Variants in MTMR9 observed in about 807,000 individuals in gnomAD.
The protein encoded by MTMR9 is myotubularin related protein 9, also known as myotubularin-related protein 9.
A neutral mutation model predicts 69.5 loss-of-function variants in MTMR9; 39 were observed. The observed-to-expected ratio is 0.56, with a 90% CI of 0.43 to 0.73. The LOEUF (loss-of-function observed/expected upper bound fraction) is 0.73, where lower values mean the gene tolerates loss of function less well. MTMR9 is among the 30% of genes least tolerant of loss of function. The pLI is 0.00. For synonymous variants in MTMR9, 354 were observed against 240.8 expected (o/e 1.47, Z -4.35); for missense variants, 900 against 671.2 (o/e 1.34, Z -3.77).
rs913030252 is a variant in MTMR9 at position 11,326,935 on chromosome 8, A to T, written c.*4147A>T. The T allele has an allele frequency of 1.4e-5, 2 of 146,310 alleles. No individual in the cohort carries two copies. Among genetic ancestry groups the T allele is most frequent in the African/African-American group, 5.1e-5 (2 of 39,350 alleles). The allele number at this position is 146,310 out of a possible 1,614,324, so 9.1% of individuals were successfully genotyped here. Reference sequence around the variant, plus strand: ...CAGTGAGCCGAGATCGCACCACTGCACTCCAGCCTGGGCGAAAGGGCAAGA... The same window carrying T: ...CAGTGAGCCGAGATCGCACCACTGCTCTCCAGCCTGGGCGAAAGGGCAAGA... On this transcript the variant is annotated 3_prime_UTR_variant, in exon 10 of 10. Transcript: ENST00000221086.
chr8:11,284,917 C>T lies in MTMR9; in HGVS notation c.29C>T (p.Pro10Leu). MEFAELIKT[P>L]RVDNVVLHRP... ...GAGTTTGCGGAGCTGATTAAGACCC[C>T]GCGGGTGGACAATGTGGTGCTGCAC... Residue 10 changes from proline to leucine, a missense_variant, in exon 1 of 10, where the codon CCG becomes CTG. Coordinates refer to ENST00000221086, the MANE Select transcript of MTMR9 (RefSeq NM_015458.4). The T allele has an allele frequency of 1.2e-6, 2 of 1,611,658 alleles. No individual in the cohort carries two copies. Among genetic ancestry groups the T allele is most frequent in the Non-Finnish European group, 1.7e-6 (2 of 1,178,990 alleles).
intron 2 of MTMR9, chr8:11,298,755 T>A (rs1313618908): frequency 1.0e-6 from 1 of 979,306 alleles, no homozygotes. Flanking sequence ...AAATACTTTT[T>A]TCCATAATCC....
At chr8:11,313,466 G>T (rs931016996) in intron 6 of MTMR9, among the ~76,000 whole-genome samples, 3 of 152,204 alleles carry the variant, frequency 2.0e-5, no homozygotes, top group African/African-American at 7.2e-5. Flanking sequence ...ATTAACTAGT[G>T]CAGGAGGCCC....
chr8:11,326,794 A>AC lies in MTMR9; in HGVS notation c.*4009dup, dbSNP rs1563292400. 1 of 152,066 alleles carries AC rather than the reference A, an allele frequency of 6.6e-6. No individual in the cohort carries two copies. The highest frequency in any genetic ancestry group is 2.4e-5 in the African/African-American group (1 of 41,356). 9.4% of individuals were successfully genotyped at this position (152,066 alleles called of 1,614,324 possible). A position where few individuals can be genotyped will look rare whatever the true frequency, so the allele number is the denominator to read the frequency against. On this transcript the variant is annotated 3_prime_UTR_variant, in exon 10 of 10. Coordinates refer to ENST00000221086, the MANE Select transcript of MTMR9 (RefSeq NM_015458.4). ...GACCATCCTGGCTAACACGGTGAAA[A>AC]CCCATGTCTACTAAAAATACAAAAA...
At chr8:11,333,628 G>C in the MTMR9 span, among the ~76,000 whole-genome samples, 1 of 152,076 alleles carries the variant, frequency 6.6e-6, no homozygotes, top group Non-Finnish European at 1.5e-5. Context: ...TATAACTTTA[G>C]TTTATAACAT....
rs752279678 is a variant in MTMR9, at chr8:11,306,374, C to T, written c.776C>T (p.Pro259Leu). The T allele has an allele frequency of 1.2e-6, 2 of 1,614,024 alleles. No individual in the cohort carries two copies. The highest frequency in any genetic ancestry group is 1.3e-5 in the African/African-American group (1 of 75,032). Residue 259 changes from proline to leucine, a missense_variant, in exon 5 of 10, where the codon CCT becomes CTT. Transcript: ENST00000221086. ...GGCTTTGAACAAGAAGCTCATTATC[C>T]TCAGTGGAGGCGAATTCATAAGTCC... ...GGGFEQEAHY[P>L]QWRRIHKSIE...
At chr8:11,303,901 T>A (rs758536599) in intron 3 of MTMR9, among the ~76,000 whole-genome samples, 1 of 152,246 alleles carries the variant, frequency 6.6e-6, no homozygotes, top group Non-Finnish European at 1.5e-5. Context: ...ATTAAAAATG[T>A]GATACTGTAT....
chr8:11,303,266 T>G (rs905365038), intron 3 of MTMR9, among the ~76,000 whole-genome samples: 1 of 150,406 alleles, frequency 6.6e-6, no homozygotes, highest in Non-Finnish European at 1.5e-5. Flanking sequence ...GCACAGTACA[T>G]TTGGACCAAC....
chr8:11,323,349 A>T lies in MTMR9; in HGVS notation c.*561A>T, dbSNP rs1452358173. On this transcript the variant is annotated 3_prime_UTR_variant, in exon 10 of 10. Coordinates refer to ENST00000221086, the MANE Select transcript of MTMR9 (RefSeq NM_015458.4). The stretch of plus-strand genomic sequence containing the variant: ...ACTAACGAAGCTGAAATCTATTCTC[A>T]TTCTTGTTTGTCAAGAAAGGAAAAT... 1.3e-5 allele frequency: 2 copies of T among 152,232 alleles called. No homozygotes were observed. The highest frequency in any genetic ancestry group is 2.9e-5 in the Non-Finnish European group (2 of 68,034). 9.4% of individuals were successfully genotyped at this position (152,232 alleles called of 1,614,324 possible). A position where few individuals can be genotyped will look rare whatever the true frequency, so the allele number is the denominator to read the frequency against.
intron 4 of MTMR9, among the ~76,000 whole-genome samples, chr8:11,305,655 C>T (rs1162373429): frequency 6.6e-6 from 1 of 152,154 alleles, no homozygotes; most frequent in Non-Finnish European, 1.5e-5. Flanking sequence ...TAGTTAAATC[C>T]TTGAATACTG....
intron 3 of MTMR9, among the ~76,000 whole-genome samples, chr8:11,304,323 T>A (rs1799859450): frequency 6.6e-6 from 1 of 152,216 alleles, no homozygotes; most frequent in Non-Finnish European, 1.5e-5. Context: ...TCATTTGTTC[T>A]GGGGATGCAT....
intron 2 of MTMR9, chr8:11,298,728 C>CA (rs969548745): frequency 1.6e-5 from 15 of 924,652 alleles, no homozygotes; most frequent in Admixed American, 6.2e-5. Flanking sequence ...GCACCCCCCC[C>CA]CCGCCATCCA....
intron 1 of MTMR9, among the ~76,000 whole-genome samples, chr8:11,292,001 A>G (rs1176516714): frequency 5.3e-5 from 8 of 152,162 alleles, no homozygotes; most frequent in Non-Finnish European, 8.8e-5. Context: ...AAGATAATGA[A>G]TTTATCACCC....
chr8:11,322,573 A>G (rs1800743182), intron 9 of MTMR9, 52 bp from the exon 10 acceptor site: 2 of 1,466,940 alleles, frequency 1.4e-6, no homozygotes, highest in African/African-American at 1.4e-5. Flanking sequence ...TGTAATTTTA[A>G]TCCATTGTAT....
chr8:11,287,913 T>C (rs1219442347), intron 1 of MTMR9, among the ~76,000 whole-genome samples: 2 of 128,742 alleles, frequency 1.6e-5, no homozygotes, highest in Non-Finnish European at 3.1e-5. Flanking sequence ...TAACATAATA[T>C]GTATTATATA....
intron 2 of MTMR9, among the ~76,000 whole-genome samples, chr8:11,297,256 C>G (rs1265032329): frequency 6.6e-6 from 1 of 152,148 alleles, no homozygotes; most frequent in Non-Finnish European, 1.5e-5. Context: ...AGAGGAAAAA[C>G]TGTTATAGTG....
Position 11,326,643 on chromosome 8 carries a change from A to G in MTMR9, c.*3855A>G, listed in dbSNP as rs1255037800. 6.6e-6 allele frequency: 1 copy of G among 152,196 alleles called. No homozygotes were observed. The highest frequency in any genetic ancestry group is 2.4e-5 in the African/African-American group (1 of 41,434). 9.4% of individuals were successfully genotyped at this position (152,196 alleles called of 1,614,324 possible). ...TCCAGACCTAGTATTCTAAGTTATT[A>G]CCACATAGTATTTTTATGTTACCCA... On this transcript the variant is annotated 3_prime_UTR_variant, in exon 10 of 10. Transcript: ENST00000221086.
At position 11,309,679 on chromosome 8, in the gene MTMR9, G is replaced by A. The variant is rs1439075823; in HGVS notation, c.962G>A (p.Cys321Tyr). ...ILTTACLAAQ[C>Y]IDREGASILI... Reference sequence around the variant, plus strand: ...ACAACTGCCTGCCTAGCGGCTCAGTGCATCGACAGGTAAAGTGCATTTCAG... The same window carrying A: ...ACAACTGCCTGCCTAGCGGCTCAGTACATCGACAGGTAAAGTGCATTTCAG... The change falls in exon 6 of 10, where the codon TGC (cysteine) becomes TAC (tyrosine). Residue 321 changes from cysteine (C) to tyrosine (Y), a missense_variant. Transcript: ENST00000221086. 8 of 1,613,542 alleles carry A rather than the reference G, an allele frequency of 5.0e-6. No homozygotes were observed. The highest frequency in any genetic ancestry group is 2.5e-6 in the Non-Finnish European group (3 of 1,179,742).
chr8:11,337,228 G>T, the MTMR9 span, among the ~76,000 whole-genome samples: 1 of 152,162 alleles, frequency 6.6e-6, no homozygotes, highest in Non-Finnish European at 1.5e-5. Context: ...CCAGCAGACT[G>T]TTGGGTTACT....
Sources: allele counts gnomAD v4.1 joint callset (sites outside exome capture counted in the v4.1 genomes callset), GRCh38; gene constraint gnomAD v4.1.1; transcripts MANE v1.5; gene names NCBI Gene and HGNC (gene_info 2026-07-23, HGNC 2026-07-21).